SERTAD2: variants seen among roughly 807,000 people sequenced by gnomAD.
The protein encoded by SERTAD2 is SERTA domain containing 2.
In SERTAD2, 2 loss-of-function variants were observed where a neutral mutation model predicts 15.4. That is an observed-to-expected ratio of 0.13 (90% CI 0.05 to 0.41). The LOEUF (loss-of-function observed/expected upper bound fraction) is 0.41. Ranked by LOEUF, SERTAD2 falls within the 10% of genes least tolerant of loss-of-function variation. SERTAD2 has a pLI of 0.99. For missense variants in SERTAD2, 333 were observed against 409.7 expected (o/e 0.81, Z 1.62); for synonymous variants, 180 against 178.0 (o/e 1.01, Z -0.09).
In SERTAD2 at chr2:64,632,598, C is replaced by T. The variant is rs1030681121; in HGVS notation, c.*3329G>A. ...TAAAAAAACTTTAAAAAATATCAAC[C>T]CTTTGATGCTTTTCTTAAAAATTTG... is the stretch of plus-strand genomic sequence containing the variant. On this transcript the variant is annotated 3_prime_UTR_variant, in exon 2 of 2. Coordinates refer to ENST00000313349, the MANE Select transcript of SERTAD2 (RefSeq NM_014755.3). 1 of 152,534 alleles carries T rather than the reference C, an allele frequency of 6.6e-6. No homozygotes were observed. Among genetic ancestry groups the T allele is most frequent in the Non-Finnish European group, 1.5e-5 (1 of 68,026 alleles). 9.4% of individuals were successfully genotyped at this position (152,534 alleles called of 1,614,324 possible).
intron 1 of SERTAD2, among the ~76,000 whole-genome samples, chr2:64,638,261 C>T (rs1407126007): frequency 1.3e-5 from 2 of 152,186 alleles, no homozygotes; most frequent in South Asian, 2.1e-4. Context: ...TGATTGATCA[C>T]ACCTCATTCA....
rs888012773 is a variant in SERTAD2, at chr2:64,633,597, T to C, written c.*2330A>G. ...GCAGGTTTGCCAGGTCCTCCAGTTA[T>C]AGAAAGCATGGAATCTGGGCAGACT... On this transcript the variant is annotated 3_prime_UTR_variant, in exon 2 of 2. Transcript: ENST00000313349. The C allele has an allele frequency of 6.6e-6, 1 of 152,232 alleles. No individual in the cohort carries two copies. Among genetic ancestry groups the C allele is most frequent in the African/African-American group, 2.4e-5 (1 of 41,452 alleles). The allele number at this position is 152,232 out of a possible 1,614,324, so 9.4% of individuals were successfully genotyped here. A position where few individuals can be genotyped will look rare whatever the true frequency, so the allele number is the denominator to read the frequency against.
At position 64,636,431 on chromosome 2, in the gene SERTAD2, C is replaced by G; in HGVS notation, c.441G>C (p.Gln147His). Residue 147 changes from glutamine to histidine, a missense_variant, in exon 2 of 2, where the codon CAG becomes CAC. Transcript: ENST00000313349. ...TGGTGGGAGCCGTGGGCTGCATGGC[C>G]TGGGAGGTGCAAAACGTGTCATCGT... ...EDDDDTFCTS[Q>H]AMQPTAPTKL... The G allele has an allele frequency of 1.2e-6, 2 of 1,614,198 alleles. No homozygotes were observed. The highest frequency in any genetic ancestry group is 1.7e-6 in the Non-Finnish European group (2 of 1,180,046).
chr2:64,644,682 GAA>G (rs1453500453), intron 1 of SERTAD2: 1 of 152,284 alleles, frequency 6.6e-6, no homozygotes, highest in Non-Finnish European at 1.5e-5. Context: ...ACACACCAGC[GAA>G]AACAAAGAGG....
intron 1 of SERTAD2, among the ~76,000 whole-genome samples, chr2:64,643,815 G>A (rs1242983355): frequency 6.6e-6 from 1 of 152,102 alleles, no homozygotes; most frequent in African/African-American, 2.4e-5. Flanking sequence ...GCAGTGAGCC[G>A]AGATCGCGCC....
chr2:64,652,463 C>A (rs1393305041), intron 1 of SERTAD2, among the ~76,000 whole-genome samples: 1 of 152,228 alleles, frequency 6.6e-6, no homozygotes, highest in African/African-American at 2.4e-5. Flanking sequence ...ACTGTGAACA[C>A]TTAGGGCCTC....
chr2:64,649,756 C>T (rs1251850186), intron 1 of SERTAD2, among the ~76,000 whole-genome samples: 1 of 152,198 alleles, frequency 6.6e-6, no homozygotes, highest in East Asian at 1.9e-4. Flanking sequence ...ACTAGTCAGA[C>T]CTGCTATAGC....
chr2:64,641,056 T>C (rs1045761062), intron 1 of SERTAD2, among the ~76,000 whole-genome samples: 10 of 152,240 alleles, frequency 6.6e-5, no homozygotes, highest in Non-Finnish European at 7.3e-5. Flanking sequence ...CAAACTAAGT[T>C]TCAAACATAA....
chr2:64,640,706 C>T (rs912292611), intron 1 of SERTAD2, among the ~76,000 whole-genome samples: 2 of 151,994 alleles, frequency 1.3e-5, no homozygotes, highest in East Asian at 1.9e-4. Flanking sequence ...TAGGTCACCC[C>T]GGGGCTTTGA....
chr2:64,646,538 A>G (rs1674906130), intron 1 of SERTAD2: 1 of 152,190 alleles, frequency 6.6e-6, no homozygotes, highest in Admixed American at 6.5e-5. Flanking sequence ...GCCGAGCAGC[A>G]AGGAGCGCAA....
chr2:64,644,447 C>T (rs1175345474), intron 1 of SERTAD2, among the ~76,000 whole-genome samples: 1 of 152,238 alleles, frequency 6.6e-6, no homozygotes, highest in African/African-American at 2.4e-5. Flanking sequence ...TCCCACCAGC[C>T]TGAGGGCGGG....
intron 1 of SERTAD2, among the ~76,000 whole-genome samples, chr2:64,647,299 T>A (rs1455772493): frequency 6.6e-6 from 1 of 152,222 alleles, no homozygotes; most frequent in Non-Finnish European, 1.5e-5. Flanking sequence ...TTATAATCAT[T>A]TGAATTGTGA....
intron 1 of SERTAD2, among the ~76,000 whole-genome samples, chr2:64,639,972 C>T (rs1674736389): frequency 6.6e-6 from 1 of 151,928 alleles, no homozygotes; most frequent in Non-Finnish European, 1.5e-5. Context: ...CAGACACACA[C>T]ACCAAATCTT....
rs78389198 is a variant in SERTAD2 at position 64,636,809 on chromosome 2, G to A, written c.63C>T (p.Ile21=). The stretch of plus-strand genomic sequence containing the variant: ...TGGATGGACCGTCACAGGGAGACAC[G>A]ATTTTGCCTTCCAGCCCATCTTCAT... ...DEHEDGLEGK[I]VSPCDGPSKV... The change falls in exon 2 of 2, where the codon ATC becomes ATT. Residue 21 remains isoleucine (I), a synonymous_variant. Coordinates refer to ENST00000313349, the MANE Select transcript of SERTAD2 (RefSeq NM_014755.3). 1,559 of 1,614,202 alleles carry A rather than the reference G, an allele frequency of 9.7e-4. 16 individuals are homozygous for A. In the African/African-American group the frequency reaches 0.019, roughly 19 times the overall value.
intron 1 of SERTAD2, among the ~76,000 whole-genome samples, chr2:64,650,782 G>A (rs951442602): frequency 1.3e-5 from 2 of 151,968 alleles, no homozygotes; most frequent in African/African-American, 4.8e-5. Flanking sequence ...AGTGGCCATG[G>A]CACTTTTAGA....
At position 64,649,928 on chromosome 2, in the gene SERTAD2, C is replaced by G. The variant is rs558473279; in HGVS notation, c.-5+3692G>C. Among the ~76,000 whole-genome samples the G allele has an allele frequency of 6.6e-5, 10 of 152,316 alleles. No homozygotes were observed. In the East Asian group the frequency reaches 1.9e-3, roughly 29 times the overall value. On this transcript the variant is annotated intron_variant, in intron 1 of 1. Coordinates refer to ENST00000313349, the MANE Select transcript of SERTAD2 (RefSeq NM_014755.3). Reference sequence around the variant, plus strand: ...TGTGGGGAGGCAGGGCCAGCTCTGGCCAGACAGTGTGCAAGTGTAAGAATA... The same window carrying G: ...TGTGGGGAGGCAGGGCCAGCTCTGGGCAGACAGTGTGCAAGTGTAAGAATA...
In SERTAD2 at chr2:64,636,860, T is replaced by C. The variant is rs1385991397; in HGVS notation, c.12A>G (p.Lys4=). The change falls in exon 2 of 2, where the codon AAA becomes AAG. Residue 4 remains lysine (K), a synonymous_variant. Coordinates refer to ENST00000313349, the MANE Select transcript of SERTAD2 (RefSeq NM_014755.3). MLG[K]GGKRKFDEHE... ...GCTCATCAAACTTCCGTTTTCCTCCTTTACCCAACATATATCTGCAGAGGG... is the reference window on the plus strand; with the variant it reads ...GCTCATCAAACTTCCGTTTTCCTCCCTTACCCAACATATATCTGCAGAGGG... 1 of 1,611,610 alleles carries C rather than the reference T, an allele frequency of 6.2e-7. No homozygotes were observed. Among genetic ancestry groups the C allele is most frequent in the Non-Finnish European group, 8.5e-7 (1 of 1,178,298 alleles).
intron 1 of SERTAD2, among the ~76,000 whole-genome samples, chr2:64,645,683 A>G (rs1573089432): frequency 6.6e-6 from 1 of 152,364 alleles, no homozygotes; most frequent in Admixed American, 6.5e-5. Context: ...TTTCAAGTAA[A>G]TATTTCTTTA....
At position 64,634,115 on chromosome 2, in the gene SERTAD2, C is replaced by G. The variant is rs1430835163; in HGVS notation, c.*1812G>C. ...GACAAATGACCAACAACAAAGACAACAACAACAACAAAACATCCCATAATT... is the reference window on the plus strand; with the variant it reads ...GACAAATGACCAACAACAAAGACAAGAACAACAACAAAACATCCCATAATT... On this transcript the variant is annotated 3_prime_UTR_variant, in exon 2 of 2. Transcript: ENST00000313349. The G allele has an allele frequency of 6.6e-6, 1 of 152,178 alleles. No individual in the cohort carries two copies. Among genetic ancestry groups the G allele is most frequent in the African/African-American group, 2.4e-5 (1 of 41,344 alleles). 9.4% of individuals were successfully genotyped at this position (152,178 alleles called of 1,614,324 possible).
Sources: allele counts gnomAD v4.1 joint callset (sites outside exome capture counted in the v4.1 genomes callset), GRCh38; gene constraint gnomAD v4.1.1; transcripts MANE v1.5; gene names NCBI Gene and HGNC (gene_info 2026-07-23, HGNC 2026-07-21).